MAD1L1: variants seen among roughly 807,000 people sequenced by gnomAD.
The protein encoded by MAD1L1 is mitotic arrest deficient 1 like 1, also known as mitotic spindle assembly checkpoint protein MAD1.
A neutral mutation model predicts 96.9 loss-of-function variants in MAD1L1; 95 were observed. That is an observed-to-expected ratio of 0.98 (90% CI 0.83 to 1.16). The LOEUF is 1.16. MAD1L1 is among the 50% of genes most tolerant of loss of function. The probability of loss-of-function intolerance (pLI) is 0.00; values close to 1 mark genes in which losing one functional copy is unlikely to be tolerated. For synonymous variants in MAD1L1, 473 were observed against 396.6 expected (o/e 1.19, Z -2.29); for missense variants, 1,007 against 954.4 (o/e 1.06, Z -0.73).
Position 1,838,126 on chromosome 7 carries a change from C to T in MAD1L1, c.1999-21898G>A, listed in dbSNP as rs559901365. Among the ~76,000 whole-genome samples the T allele has an allele frequency of 2.0e-5, 3 of 152,346 alleles. No homozygotes were observed. The South Asian group carries it at 6.2e-4, about 32-fold the overall frequency. On this transcript the variant is annotated intron_variant, in intron 18 of 18. Coordinates refer to ENST00000265854, the MANE Select transcript of MAD1L1 (RefSeq NM_001013836.2). ...CTCTACCCGAAACCCACGCCAACAC[C>T]CACTTCACATTTTGCATTTGAATCT... is the stretch of plus-strand genomic sequence containing the variant.
rs567194644 is a variant in MAD1L1, at chr7:2,198,048, G to A, written c.986+15164C>T. 6.3e-4 allele frequency among the ~76,000 whole-genome samples: 94 copies of A among 149,484 alleles called. 1 individual carries two copies. The highest frequency in any genetic ancestry group is 2.0e-3 in the African/African-American group (82 of 40,866). ...CCACACCCAGTTCTGCCCCACAAGC[G>A]CCCCCGCTCATCCCAAGGTCCACCA... On this transcript the variant is annotated intron_variant, in intron 10 of 18. Transcript: ENST00000265854.
chr7:2,127,078 C>T (rs1288600004), intron 11 of MAD1L1, among the ~76,000 whole-genome samples: 1 of 152,166 alleles, frequency 6.6e-6, no homozygotes, highest in African/African-American at 2.4e-5. Flanking sequence ...GACATCTGAA[C>T]ACTCTCCTGG....
At chr7:2,064,130 G>C (rs1784779558) in intron 12 of MAD1L1, among the ~76,000 whole-genome samples, 2 of 152,176 alleles carry the variant, frequency 1.3e-5, no homozygotes, top group Non-Finnish European at 2.9e-5. Context: ...AGGAGGCTGG[G>C]GATGCAGCCC....
rs142308660 is a variant in MAD1L1, at chr7:1,965,290, CTTGT to C, written c.1506-7575_1506-7572del. Among the ~76,000 whole-genome samples the C allele has an allele frequency of 7.7e-3, 1,175 of 152,332 alleles. 8 individuals carry two copies. Among genetic ancestry groups the C allele is most frequent in the Non-Finnish European group, 0.014 (978 of 68,032 alleles). ...ACACGGAGCACCTCGCCCCTCCAGGCTTGTTTGTCATAAAGAGAGCACGTGACAA... is the reference window on the plus strand; with the variant it reads ...ACACGGAGCACCTCGCCCCTCCAGGCTTGTCATAAAGAGAGCACGTGACAA... On this transcript the variant is annotated intron_variant, in intron 15 of 18. Coordinates refer to ENST00000265854, the MANE Select transcript of MAD1L1 (RefSeq NM_001013836.2).
chr7:2,140,074 T>C (rs1254013150), intron 11 of MAD1L1, among the ~76,000 whole-genome samples: 5 of 146,454 alleles, frequency 3.4e-5, no homozygotes, highest in Non-Finnish European at 7.5e-5. Flanking sequence ...CCTCAACTAC[T>C]TCCCTGCAGG....
At chr7:1,893,277 G>A (rs943422376) in intron 18 of MAD1L1, among the ~76,000 whole-genome samples, 10 of 151,968 alleles carry the variant, frequency 6.6e-5, no homozygotes, top group African/African-American at 2.2e-4. Context: ...GTCCTGGCTG[G>A]GATGGGAAGT....
In MAD1L1 at chr7:1,893,198, G is replaced by A. The variant is rs547787188; in HGVS notation, c.1998+5002C>T. 5.9e-5 allele frequency among the ~76,000 whole-genome samples: 9 copies of A among 152,302 alleles called. No homozygotes were observed. In the East Asian group the frequency reaches 9.7e-4, roughly 16 times the overall value. On this transcript the variant is annotated intron_variant, in intron 18 of 18. Transcript: ENST00000265854. ...AGATTTGCCTGCCTTTCCCCCAAAC[G>A]GCAGCCCAGGCAGCCAGCTCCCTCC...
chr7:1,950,619 G>A (rs1245034373), intron 16 of MAD1L1, among the ~76,000 whole-genome samples: 2 of 152,204 alleles, frequency 1.3e-5, no homozygotes, highest in Admixed American at 1.3e-4. Context: ...ACCCCACACG[G>A]GAGCCCCTCA....
chr7:1,934,151 T>C (rs1789642251), intron 17 of MAD1L1, among the ~76,000 whole-genome samples: 1 of 152,212 alleles, frequency 6.6e-6, no homozygotes, highest in African/African-American at 2.4e-5. Flanking sequence ...CCTCACCTCC[T>C]GGTGGCGCCA....
intron 10 of MAD1L1, among the ~76,000 whole-genome samples, chr7:2,171,597 C>A (rs1370342969): frequency 1.3e-5 from 2 of 151,662 alleles, no homozygotes; most frequent in African/African-American, 4.9e-5. Flanking sequence ...GGAGATGGGC[C>A]ACGTATGGGT....
At chr7:2,226,567 G>T (rs556472547) in intron 3 of MAD1L1, among the ~76,000 whole-genome samples, 1 of 152,228 alleles carries the variant, frequency 6.6e-6, no homozygotes, top group African/African-American at 2.4e-5. Context: ...CTTTGGGTAC[G>T]ACCTGCTCAG....
At chr7:1,993,209 G>C (rs948523607) in intron 14 of MAD1L1, among the ~76,000 whole-genome samples, 1 of 152,194 alleles carries the variant, frequency 6.6e-6, no homozygotes, top group African/African-American at 2.4e-5. Flanking sequence ...CAAGTGTGCA[G>C]ACAGCAGTGA....
intron 18 of MAD1L1, among the ~76,000 whole-genome samples, chr7:1,872,919 C>T (rs776096811): frequency 6.6e-6 from 1 of 152,182 alleles, no homozygotes. Flanking sequence ...GTGGGGGGCG[C>T]GTCAGAAGGA....
intron 5 of MAD1L1, among the ~76,000 whole-genome samples, chr7:2,221,833 G>A (rs6461233): frequency 0.34 from 51,140 of 152,002 alleles, 8,855 homozygotes; most frequent in East Asian, 0.51. Context: ...GGAAGGCTAC[G>A]GGGAAATTGG....
chr7:1,919,852 A>C (rs768644446), intron 17 of MAD1L1, among the ~76,000 whole-genome samples: 4 of 152,220 alleles, frequency 2.6e-5, no homozygotes, highest in Admixed American at 6.5e-5. Context: ...ACTGAAATTT[A>C]ACTTTGATCA....
At chr7:2,017,266 C>T (rs541377194) in intron 12 of MAD1L1, among the ~76,000 whole-genome samples, 17 of 152,356 alleles carry the variant, frequency 1.1e-4, no homozygotes, top group Admixed American at 8.5e-4. Context: ...AACAAACAGG[C>T]GGCTGGCAGT....
At chr7:2,111,544 C>T (rs1284767356) in intron 11 of MAD1L1, among the ~76,000 whole-genome samples, 2 of 152,188 alleles carry the variant, frequency 1.3e-5, no homozygotes, top group Non-Finnish European at 1.5e-5. Context: ...GATTTGATCC[C>T]GATACGTGGG....
At chr7:2,129,737 A>G (rs1788419968) in intron 11 of MAD1L1, among the ~76,000 whole-genome samples, 1 of 152,196 alleles carries the variant, frequency 6.6e-6, no homozygotes, top group Non-Finnish European at 1.5e-5. Context: ...TTATTTTTAC[A>G]CGCATGTCAG....
intron 16 of MAD1L1, among the ~76,000 whole-genome samples, chr7:1,948,141 C>A (rs7791124): frequency 0.86 from 130,877 of 152,092 alleles, 57,632 homozygotes; most frequent in Non-Finnish European, 0.96. Flanking sequence ...CTGCAGGGGG[C>A]GAGGGAGTGG....
Sources: allele counts gnomAD v4.1 joint callset (sites outside exome capture counted in the v4.1 genomes callset), GRCh38; gene constraint gnomAD v4.1.1; transcripts MANE v1.5; gene names NCBI Gene and HGNC (gene_info 2026-07-23, HGNC 2026-07-21).